CUL9: variants seen among roughly 807,000 people sequenced by gnomAD.
CUL9 encodes cullin 9, also known as cullin-9.
A neutral mutation model predicts 272.6 loss-of-function variants in CUL9; 79 were observed. The observed-to-expected ratio is 0.29, with a 90% CI of 0.24 to 0.35. The LOEUF (loss-of-function observed/expected upper bound fraction) is 0.35. Among genes scored for constraint, CUL9 ranks in the 10% least tolerant of loss-of-function variants. The pLI is 1.00. For missense variants in CUL9, 2,532 were observed against 3,255.6 expected, an observed-to-expected ratio of 0.78 and a Z score of 5.41; for synonymous variants, 1,186 against 1,286.5, an observed-to-expected ratio of 0.92 and a Z score of 1.67.
chr6:43,196,076 A>C lies in CUL9; in HGVS notation c.2396A>C (p.Lys799Thr). 1 of 1,612,244 alleles carries C rather than the reference A, an allele frequency of 6.2e-7. No individual in the cohort carries two copies. The highest frequency in any genetic ancestry group is 8.5e-7 in the Non-Finnish European group (1 of 1,178,668). The change falls in exon 10 of 41, where the codon AAG (lysine) becomes ACG (threonine). Residue 799 changes from lysine to threonine, a missense_variant. Coordinates refer to ENST00000252050, the MANE Select transcript of CUL9 (RefSeq NM_015089.4). ...TTCACATCCCCCTCACAGGCACTGA[A>C]GATGCTGGCCGTCGCCAGCTCCTCG... ...LVQQAGLAAL[K>T]MLAVASSSEI...
Position 43,221,309 on chromosome 6 carries a change from AG to A in CUL9, c.6744del (p.Cys2249AlafsTer4). ...TGTCAGGCTCCCATCGAGAAGAACG[AG>A]GGGTGCCTGCAGTAAGAAGGGGGGT... ...PSCQAPIEKN[E>X]GCLHMTCAKC... On this transcript the variant is annotated frameshift_variant, in exon 34 of 41. Transcript: ENST00000252050. LOFTEE classifies it high-confidence loss of function. This position sits in a 1 kb window ranked among gnomAD's most constrained non-coding sequence, Gnocchi z 4.2. The A allele has an allele frequency of 6.3e-7, 1 of 1,594,182 alleles. No individual in the cohort carries two copies.
At chr6:43,217,246 A>G (rs540499877) in intron 31 of CUL9, among the ~76,000 whole-genome samples, 2 of 152,264 alleles carry the variant, frequency 1.3e-5, no homozygotes, top group South Asian at 4.1e-4. Flanking sequence ...AGTCCCAGCT[A>G]CTTGGGAGGC....
intron 3 of CUL9, 28 bp downstream of exon 3, chr6:43,185,638 G>C: frequency 6.2e-7 from 1 of 1,601,164 alleles, no homozygotes; most frequent in East Asian, 2.2e-5. Context: ...GGGAAATGCT[G>C]TGTACAAGGG....
At position 43,203,814 on chromosome 6, in the gene CUL9, C is replaced by A. The variant is rs750207954; in HGVS notation, c.4026-40C>A. Reference sequence around the variant, plus strand: ...ACTTGAATGGAGGCCTCTGGGAAATCGGTGCCATTAATCCTCCGCCATGCA... The same window carrying A: ...ACTTGAATGGAGGCCTCTGGGAAATAGGTGCCATTAATCCTCCGCCATGCA... On this transcript the variant is annotated intron_variant, in intron 19 of 40. Coordinates refer to ENST00000252050, the MANE Select transcript of CUL9 (RefSeq NM_015089.4). The surrounding 1 kb of genome is among the most constrained non-coding windows in gnomAD (Gnocchi z 5.0). The A allele has an allele frequency of 1.3e-6, 2 of 1,564,594 alleles. No individual in the cohort carries two copies. Among genetic ancestry groups the A allele is most frequent in the East Asian group, 4.5e-5 (2 of 44,190 alleles).
Position 43,215,170 on chromosome 6 carries a change from T to C in CUL9, c.5780T>C (p.Leu1927Pro). The change falls in exon 30 of 41, where the codon CTC becomes CCC. Residue 1927 changes from leucine (L) to proline (P), a missense_variant. Coordinates refer to ENST00000252050, the MANE Select transcript of CUL9 (RefSeq NM_015089.4). The stretch of plus-strand genomic sequence containing the variant: ...GTGGCCTGTACCAGTACAGATGTCC[T>C]CTCTTGCATCCTGCACCTCTTAGGC... ...GGVACTSTDV[L>P]SCILHLLGQG... 1 of 1,614,204 alleles carries C rather than the reference T, an allele frequency of 6.2e-7. No individual in the cohort carries two copies. Among genetic ancestry groups the C allele is most frequent in the Non-Finnish European group, 8.5e-7 (1 of 1,180,032 alleles).
Position 43,200,259 on chromosome 6 carries a change from T to C in CUL9, c.3384+103T>C. 1 of 1,447,656 alleles carries C rather than the reference T, an allele frequency of 6.9e-7. No homozygotes were observed. The highest frequency in any genetic ancestry group is 9.5e-7 in the Non-Finnish European group (1 of 1,053,518). 89.7% of individuals were successfully genotyped at this position (1,447,656 alleles called of 1,614,324 possible). On this transcript the variant is annotated intron_variant, in intron 14 of 40. Transcript: ENST00000252050. The surrounding 1 kb of genome is among the most constrained non-coding windows in gnomAD (Gnocchi z 4.0). ...TGGTATCCCTGTTTGGCACAGGTTG[T>C]AGCAAATCTGGGGCACTTGTTTCCT...
Position 43,198,619 on chromosome 6 carries a change from C to G in CUL9, c.2814C>G (p.Thr938=), listed in dbSNP as rs745428712. 6.2e-7 allele frequency: 1 copy of G among 1,614,144 alleles called. No individual in the cohort carries two copies. The highest frequency in any genetic ancestry group is 2.2e-5 in the East Asian group (1 of 44,878). The change falls in exon 12 of 41, where the codon ACC becomes ACG. Residue 938 remains threonine (T), a synonymous_variant. Coordinates refer to ENST00000252050, the MANE Select transcript of CUL9 (RefSeq NM_015089.4). ...TGTGTCTGGCTGCAGCACTAGAGAC[C>G]CCCATCATCCAGGGTCAGGATGGGT... is the stretch of plus-strand genomic sequence containing the variant. ...PGSPERAALE[T]PIIQGQDGSP...
In CUL9 at chr6:43,199,909, C is replaced by A; in HGVS notation, c.3157-20C>A. On this transcript the variant is annotated intron_variant, in intron 13 of 40. Transcript: ENST00000252050. This position sits in a 1 kb window ranked among gnomAD's most constrained non-coding sequence, Gnocchi z 4.4. ...TACCTCTTGTTTCCTGTAAATTAAT[C>A]TATGTGGCTCTGGGCTCAGATTGTT... 1 of 1,585,882 alleles carries A rather than the reference C, an allele frequency of 6.3e-7. No individual in the cohort carries two copies. The highest frequency in any genetic ancestry group is 1.1e-5 in the South Asian group (1 of 90,472).
chr6:43,205,199 C>T (rs1478978292), intron 23 of CUL9, 64 bp from the exon 24 acceptor site: 3 of 1,591,566 alleles, frequency 1.9e-6, no homozygotes, highest in Non-Finnish European at 2.6e-6. Flanking sequence ...CCTCCTTTCG[C>T]TCCCCAGTCT....
At position 43,185,630 on chromosome 6, in the gene CUL9, G is replaced by GA; in HGVS notation, c.750+23dup. 1 of 1,606,242 alleles carries GA rather than the reference G, an allele frequency of 6.2e-7. No homozygotes were observed. The highest frequency in any genetic ancestry group is 8.5e-7 in the Non-Finnish European group (1 of 1,178,426). ...CCTCAGGTACACTGCCAGCTGTAGGGAAATGCTGTGTACAAGGGCTAAGAC... is the reference window on the plus strand; with the variant it reads ...CCTCAGGTACACTGCCAGCTGTAGGGAAAATGCTGTGTACAAGGGCTAAGAC... On this transcript the variant is annotated intron_variant, in intron 3 of 40. Transcript: ENST00000252050.
intron 31 of CUL9, among the ~76,000 whole-genome samples, chr6:43,219,827 AGG>A (rs1776202049): frequency 6.6e-6 from 1 of 152,076 alleles, no homozygotes; most frequent in Non-Finnish European, 1.5e-5. Flanking sequence ...ACAGTGGTTT[AGG>A]GATGAGGGGA....
chr6:43,223,053 A>G lies in CUL9; in HGVS notation c.7150+157A>G. ...TCTCACTGCCTGGCTGTTAAAGCTC[A>G]GGTCGAAAGCCTACATTGTAAGGTG... On this transcript the variant is annotated intron_variant, in intron 38 of 40. Transcript: ENST00000252050. This position sits in a 1 kb window ranked among gnomAD's most constrained non-coding sequence, Gnocchi z 4.1. 1.1e-6 allele frequency: 1 copy of G among 895,018 alleles called. No individual in the cohort carries two copies. Among genetic ancestry groups the G allele is most frequent in the East Asian group, 2.6e-5 (1 of 38,676 alleles). The allele number at this position is 895,018 out of a possible 1,614,324, so 55.4% of individuals were successfully genotyped here.
chr6:43,200,666 C>T lies in CUL9; in HGVS notation c.3479C>T (p.Ser1160Phe). 2 of 1,614,136 alleles carry T rather than the reference C, an allele frequency of 1.2e-6. No homozygotes were observed. Among genetic ancestry groups the T allele is most frequent in the Non-Finnish European group, 1.7e-6 (2 of 1,180,010 alleles). ...ACCCCTTCCCACTTGCCCCCAGGCT[C>T]CAGTGTGGAAGTGAAGGAGGACAAG... ...DVFLRHLCQG[S>F]SVEVKEDKCW... Residue 1160 changes from serine (S) to phenylalanine (F), a missense_variant, in exon 16 of 41, where the codon TCC becomes TTC. Ser to Phe is a radical substitution (Grantham distance 155). Around this residue, in one of 3 missense-constraint regions of CUL9, gnomAD observed 2,218 missense variants for 2,788.6 expected, o/e 0.80. Transcript: ENST00000252050. This position sits in a 1 kb window ranked among gnomAD's most constrained non-coding sequence, Gnocchi z 4.0.
In CUL9 at chr6:43,223,896, G is replaced by C. The variant is rs933282602; in HGVS notation, c.7285-199G>C. 6.5e-6 allele frequency: 4 copies of C among 619,268 alleles called. No individual in the cohort carries two copies. The highest frequency in any genetic ancestry group is 3.7e-5 in the African/African-American group (2 of 54,544). 38.4% of individuals were successfully genotyped at this position (619,268 alleles called of 1,614,324 possible). On this transcript the variant is annotated intron_variant, in intron 39 of 40. Transcript: ENST00000252050. This position sits in a 1 kb window ranked among gnomAD's most constrained non-coding sequence, Gnocchi z 4.1. ...GTAAGCTCTTTAAGCACAGGGTCGT[G>C]TGCCTCACCTGGTACCCCGTATCCC...
rs768480049 is a variant in CUL9 at position 43,200,923 on chromosome 6, A to G, written c.3647+89A>G. 1.1e-5 allele frequency: 16 copies of G among 1,503,538 alleles called. 1 individual carries two copies. The South Asian group carries it at 1.6e-4, about 15-fold the overall frequency. 93.1% of individuals were successfully genotyped at this position (1,503,538 alleles called of 1,614,324 possible). On this transcript the variant is annotated intron_variant, in intron 16 of 40. Transcript: ENST00000252050. The surrounding 1 kb of genome is among the most constrained non-coding windows in gnomAD (Gnocchi z 4.0). ...ACACACAACCCCAGCTATAACCCCA[A>G]TGCCTGAGGGACACACTCAAACCTA...
chr6:43,213,063 G>T lies in CUL9; in HGVS notation c.5213-86G>T, dbSNP rs1775647625. 1.4e-6 allele frequency: 2 copies of T among 1,474,016 alleles called. No homozygotes were observed. The highest frequency in any genetic ancestry group is 2.3e-5 in the East Asian group (1 of 43,860). The allele number at this position is 1,474,016 out of a possible 1,614,324, so 91.3% of individuals were successfully genotyped here. On this transcript the variant is annotated intron_variant, in intron 26 of 40. Transcript: ENST00000252050. This position sits in a 1 kb window ranked among gnomAD's most constrained non-coding sequence, Gnocchi z 5.7. ...GGGGCCCTCCTCCCCATAGGGACTA[G>T]TAGGAGCAAAGCTTGACACCTCAAC... is the stretch of plus-strand genomic sequence containing the variant.
Position 43,221,010 on chromosome 6 carries a change from T to C in CUL9, c.6588+99T>C, listed in dbSNP as rs1388593109. 2 of 1,479,186 alleles carry C rather than the reference T, an allele frequency of 1.4e-6. No individual in the cohort carries two copies. The highest frequency in any genetic ancestry group is 4.9e-5 in the East Asian group (2 of 40,566). 91.6% of individuals were successfully genotyped at this position (1,479,186 alleles called of 1,614,324 possible). ...CACACACACAGACTGTGACTTGTCCTTCCTCAGCCTCTGCCACCCAGTTGA... is the reference window on the plus strand; with the variant it reads ...CACACACACAGACTGTGACTTGTCCCTCCTCAGCCTCTGCCACCCAGTTGA... On this transcript the variant is annotated intron_variant, in intron 33 of 40. Coordinates refer to ENST00000252050, the MANE Select transcript of CUL9 (RefSeq NM_015089.4). The surrounding 1 kb of genome is among the most constrained non-coding windows in gnomAD (Gnocchi z 4.2).
At chr6:43,197,284 A>ATCTGACC (rs1364918327) in intron 11 of CUL9, among the ~76,000 whole-genome samples, 2 of 151,892 alleles carry the variant, frequency 1.3e-5, no homozygotes, top group African/African-American at 4.8e-5. Flanking sequence ...TGACCTCAGG[A>ATCTGACC]GATCCACTGC....
Position 43,213,988 on chromosome 6 carries a change from CTTTCAA to C in CUL9, c.5688+78_5688+83del. The stretch of plus-strand genomic sequence containing the variant: ...GGATTGGGGATGAACACAGTGAACT[CTTTCAA>C]TATAAGACTTCTGTAGGGTGACATT... On this transcript the variant is annotated intron_variant, in intron 29 of 40. Coordinates refer to ENST00000252050, the MANE Select transcript of CUL9 (RefSeq NM_015089.4). This position sits in a 1 kb window ranked among gnomAD's most constrained non-coding sequence, Gnocchi z 5.7. 6.9e-7 allele frequency: 1 copy of C among 1,448,322 alleles called. No individual in the cohort carries two copies. The highest frequency in any genetic ancestry group is 1.2e-5 in the South Asian group (1 of 86,332). The allele number at this position is 1,448,322 out of a possible 1,614,324, so 89.7% of individuals were successfully genotyped here.
Sources: allele counts gnomAD v4.1 joint callset (sites outside exome capture counted in the v4.1 genomes callset), GRCh38; gene constraint gnomAD v4.1.1; regional missense constraint gnomAD v4.1.1; non-coding constraint Gnocchi (gnomAD v3.1); transcripts MANE v1.5; gene names NCBI Gene and HGNC (gene_info 2026-07-23, HGNC 2026-07-21).